Variants in U2SURP observed in about 807,000 individuals in gnomAD.
U2SURP encodes the protein U2 snRNP-associated SURP motif-containing protein.
In U2SURP, 9 loss-of-function variants were observed where a neutral mutation model predicts 144.9. The ratio of observed to expected loss-of-function variants is 0.06; its 90% CI spans 0.04 to 0.11. The LOEUF (loss-of-function observed/expected upper bound fraction) is 0.11, where lower values mean the gene tolerates loss of function less well. U2SURP is among the 10% of genes least tolerant of loss of function. The pLI is 1.00. For missense variants in U2SURP, 724 were observed against 1,226.7 expected (o/e 0.59, Z 6.12); for synonymous variants, 408 against 396.8 (o/e 1.03, Z -0.33).
chr3:143,029,330 C>G (rs907771737), intron 16 of U2SURP, among the ~76,000 whole-genome samples: 10 of 152,140 alleles, frequency 6.6e-5, no homozygotes, highest in Admixed American at 4.6e-4. Context: ...TTGTGGCAAC[C>G]CTAAGTCAAA....
In U2SURP at chr3:143,056,538, A is replaced by T; in HGVS notation, c.*88A>T. The T allele has an allele frequency of 1.3e-6, 2 of 1,494,022 alleles. No individual in the cohort carries two copies. The highest frequency in any genetic ancestry group is 2.7e-5 in the South Asian group (2 of 75,104). 92.5% of individuals were successfully genotyped at this position (1,494,022 alleles called of 1,614,324 possible). A position where few individuals can be genotyped will look rare whatever the true frequency, so the allele number is the denominator to read the frequency against. On this transcript the variant is annotated 3_prime_UTR_variant, in exon 28 of 28. Transcript: ENST00000473835. Reference sequence around the variant, plus strand: ...GTTTTTTAAAAAAACAAAAAATCAAATGAAAGAGCATTCCTGGGGTTTTTT... The same window carrying T: ...GTTTTTTAAAAAAACAAAAAATCAATTGAAAGAGCATTCCTGGGGTTTTTT...
chr3:143,020,762 G>A, intron 8 of U2SURP, 69 bp downstream of exon 8: 1 of 1,229,512 alleles, frequency 8.1e-7, no homozygotes, highest in Non-Finnish European at 1.2e-6. Context: ...ATCCGTGGCG[G>A]GTTACATTCC....
At chr3:143,021,647 A>G (rs1455471553) in intron 10 of U2SURP, 92 bp downstream of exon 10, 11 of 1,251,256 alleles carry the variant, frequency 8.8e-6, no homozygotes, top group Non-Finnish European at 1.2e-5. Context: ...TCTGAAGCTG[A>G]CAAATCTGAT....
At chr3:143,013,420 C>G (rs1193756903) in intron 3 of U2SURP, among the ~76,000 whole-genome samples, 2 of 151,990 alleles carry the variant, frequency 1.3e-5, no homozygotes, top group African/African-American at 4.8e-5. Flanking sequence ...AAATAGTTAG[C>G]AGCAATGTTA....
intron 1 of U2SURP, among the ~76,000 whole-genome samples, chr3:143,008,718 GTTGC>G (rs1008739227): frequency 1.1e-4 from 17 of 152,170 alleles, no homozygotes; most frequent in African/African-American, 3.9e-4. Context: ...GGATGTTTTT[GTTGC>G]TTAGCAAGTT....
chr3:143,021,883 C>G (rs573034625), intron 10 of U2SURP, among the ~76,000 whole-genome samples: 2 of 152,256 alleles, frequency 1.3e-5, no homozygotes, highest in East Asian at 3.9e-4. Context: ...TTTTTCTTCT[C>G]ATAGTAGTAA....
At chr3:143,014,526 C>T (rs769397508) in intron 4 of U2SURP, 117 bp downstream of exon 4, 34 of 570,422 alleles carry the variant, frequency 6.0e-5, no homozygotes, top group East Asian at 2.0e-4. Context: ...TTCTCAGGTC[C>T]GCCTCTGAGT....
rs190293233 is a variant in U2SURP at position 143,059,058 on chromosome 3, C to T, written c.*2608C>T. ...TAAGTAAGTCTTGATCTGTTTCTTA[C>T]CAAAGAGAGACAGACCTATGATGGA... On this transcript the variant is annotated 3_prime_UTR_variant, in exon 28 of 28. Transcript: ENST00000473835. 10 of 152,382 alleles carry T rather than the reference C, an allele frequency of 6.6e-5. No homozygotes were observed. Among genetic ancestry groups the T allele is most frequent in the African/African-American group, 2.2e-4 (9 of 41,550 alleles). The allele number at this position is 152,382 out of a possible 1,614,324, so 9.4% of individuals were successfully genotyped here.
chr3:143,022,196 A>C (rs1272479244), intron 10 of U2SURP, among the ~76,000 whole-genome samples: 1 of 152,232 alleles, frequency 6.6e-6, no homozygotes, highest in Non-Finnish European at 1.5e-5. Flanking sequence ...ACTATAAAAC[A>C]TCTTACTTAG....
chr3:143,033,032 C>A, intron 17 of U2SURP, 86 bp downstream of exon 17: 1 of 1,432,688 alleles, frequency 7.0e-7, no homozygotes, highest in Non-Finnish European at 9.5e-7. Flanking sequence ...AAGCACTTGA[C>A]TGATGAGATT....
intron 6 of U2SURP, among the ~76,000 whole-genome samples, chr3:143,019,340 A>G (rs935221748): frequency 1.7e-4 from 26 of 152,170 alleles, no homozygotes; most frequent in African/African-American, 6.0e-4. Flanking sequence ...CTAAGAAACC[A>G]TCACCTAATT....
intron 23 of U2SURP, among the ~76,000 whole-genome samples, chr3:143,042,222 G>A (rs376264491): frequency 2.0e-5 from 3 of 152,148 alleles, no homozygotes; most frequent in African/African-American, 2.4e-5. Flanking sequence ...CCCAGAACCA[G>A]TGCAACTTTC....
At chr3:143,039,716 AAG>A (rs1182723074) in intron 23 of U2SURP, among the ~76,000 whole-genome samples, 2 of 151,874 alleles carry the variant, frequency 1.3e-5, no homozygotes, top group Non-Finnish European at 3.0e-5. Context: ...AGTGGGAACA[AAG>A]AGAAAACCCC....
intron 24 of U2SURP, among the ~76,000 whole-genome samples, chr3:143,047,854 A>G (rs1257280718): frequency 1.1e-5 from 1 of 89,896 alleles, no homozygotes; most frequent in Non-Finnish European, 2.2e-5. Flanking sequence ...CACCTCCCGG[A>G]CGGGGCGGCT....
chr3:143,033,437 TGCAAGAATAA>T, intron 18 of U2SURP, 87 bp downstream of exon 18: 1 of 723,542 alleles, frequency 1.4e-6, no homozygotes. Context: ...GTTAACATCC[TGCAAGAATAA>T]GAAGTACAGT....
At chr3:143,026,285 A>G (rs908068408) in intron 13 of U2SURP, 3 of 152,156 alleles carry the variant, frequency 2.0e-5, no homozygotes, top group Admixed American at 6.6e-5. Flanking sequence ...AATTACTCAC[A>G]TATGTTTATT....
intron 23 of U2SURP, among the ~76,000 whole-genome samples, chr3:143,039,229 TC>T (rs1933969698): frequency 6.6e-6 from 1 of 151,906 alleles, no homozygotes. Context: ...TGCATTTTTT[TC>T]AAACCTTTGC....
rs755997042 is a variant in U2SURP, at chr3:143,024,059, A to G, written c.1274+41A>G. ...TATTATTACTGATCTAAATATAGAC[A>G]ATATCCCCTTCTGAATTTAAAAAGA... On this transcript the variant is annotated intron_variant, in intron 13 of 27. Transcript: ENST00000473835. The G allele has an allele frequency of 3.3e-6, 5 of 1,528,256 alleles. No individual in the cohort carries two copies. In the African/African-American group the frequency reaches 4.1e-5, roughly 13 times the overall value. The allele number at this position is 1,528,256 out of a possible 1,614,324, so 94.7% of individuals were successfully genotyped here.
At chr3:143,044,416 G>C (rs762835149) in intron 24 of U2SURP, among the ~76,000 whole-genome samples, 4 of 150,394 alleles carry the variant, frequency 2.7e-5, no homozygotes, top group Non-Finnish European at 5.9e-5. Context: ...AGCCTCTGGA[G>C]TAGCTGGGAC....
Sources: allele counts gnomAD v4.1 joint callset (sites outside exome capture counted in the v4.1 genomes callset), GRCh38; gene constraint gnomAD v4.1.1; transcripts MANE v1.5; gene names NCBI Gene and HGNC (gene_info 2026-07-23, HGNC 2026-07-21).